WWOX: variants seen among roughly 807,000 people sequenced by gnomAD.
WWOX encodes WW domain-containing oxidoreductase.
Under a neutral mutation model 46.2 loss-of-function variants are expected in WWOX, and 69 were observed. That is an observed-to-expected ratio of 1.49 (90% CI 1.23 to 1.82). The LOEUF is 1.82. Ranked by LOEUF, WWOX falls within the 40% of genes most tolerant of loss-of-function variation. The pLI is 0.00. For synonymous variants in WWOX, 359 were observed against 202.6 expected (o/e 1.77, Z -6.56); for missense variants, 919 against 542.6 (o/e 1.69, Z -6.89).
chr16:79,172,256 A>G (rs2050714039), intron 8 of WWOX, among the ~76,000 whole-genome samples: 1 of 152,188 alleles, frequency 6.6e-6, no homozygotes, highest in African/African-American at 2.4e-5. Flanking sequence ...GGAACTGTGT[A>G]TATCCCACAG....
At chr16:78,953,300 T>G (rs72808737) in intron 8 of WWOX, among the ~76,000 whole-genome samples, 1 of 146,292 alleles carries the variant, frequency 6.8e-6, no homozygotes, top group African/African-American at 2.5e-5. Context: ...ACAATTATAG[T>G]GGGGGGTGGG....
chr16:78,884,977 C>T (rs2044423116), intron 8 of WWOX, among the ~76,000 whole-genome samples: 1 of 152,174 alleles, frequency 6.6e-6, no homozygotes, highest in African/African-American at 2.4e-5. Context: ...TCTGAGACCC[C>T]ACCAAGCCAT....
At chr16:78,473,031 A>G (rs901075974) in intron 8 of WWOX, among the ~76,000 whole-genome samples, 1 of 152,180 alleles carries the variant, frequency 6.6e-6, no homozygotes, top group African/African-American at 2.4e-5. Context: ...AAAAATATGA[A>G]AGGAAAAATA....
intron 8 of WWOX, among the ~76,000 whole-genome samples, chr16:78,924,044 C>A (rs147381785): frequency 1.8e-3 from 267 of 151,952 alleles, no homozygotes; most frequent in African/African-American, 6.0e-3. Flanking sequence ...TTTTGATATC[C>A]TGATTTCGTG....
rs537273647 is a variant in WWOX, at chr16:78,164,279, T to G, written c.506T>G (p.Leu169Ter). The G allele has an allele frequency of 6.2e-7, 1 of 1,614,040 alleles. No homozygotes were observed. Among genetic ancestry groups the G allele is most frequent in the South Asian group, 1.1e-5 (1 of 91,032 alleles). The change falls in exon 5 of 9, where the codon TTA becomes TGA. Residue 169 changes from leucine (L) to a stop codon, truncating the protein, a stop_gained. Transcript: ENST00000566780. LOFTEE classifies it high-confidence loss of function. ...ARASEAVSRI[L>*]EEWHKAKVEA... is the part of the protein sequence containing the mutation. Reference sequence around the variant, plus strand: ...GCGAGTGAAGCAGTGTCACGCATTTTAGAAGAATGGGTAAGTGCTTGACTG... The same window carrying G: ...GCGAGTGAAGCAGTGTCACGCATTTGAGAAGAATGGGTAAGTGCTTGACTG...
chr16:79,051,813 C>G (rs2048172562), intron 8 of WWOX, among the ~76,000 whole-genome samples: 1 of 152,218 alleles, frequency 6.6e-6, no homozygotes, highest in Non-Finnish European at 1.5e-5. Flanking sequence ...TCTTAAATAT[C>G]TGCTAGCTGT....
At chr16:78,279,035 G>A (rs892888797) in intron 5 of WWOX, among the ~76,000 whole-genome samples, 1 of 152,136 alleles carries the variant, frequency 6.6e-6, no homozygotes, top group African/African-American at 2.4e-5. Context: ...GTTTCTTGGT[G>A]ACAACTCCTC....
chr16:78,651,352 G>A (rs577568647), intron 8 of WWOX, among the ~76,000 whole-genome samples: 1 of 152,212 alleles, frequency 6.6e-6, no homozygotes, highest in Non-Finnish European at 1.5e-5. Flanking sequence ...TATAACGATT[G>A]AATTAGACTC....
intron 8 of WWOX, among the ~76,000 whole-genome samples, chr16:78,625,382 C>T (rs949835859): frequency 2.0e-5 from 3 of 152,156 alleles, no homozygotes; most frequent in Non-Finnish European, 4.4e-5. Context: ...AATTCACCCC[C>T]ACACAATCCA....
intron 5 of WWOX, among the ~76,000 whole-genome samples, chr16:78,257,191 T>C (rs1277674096): frequency 6.6e-6 from 1 of 152,122 alleles, no homozygotes; most frequent in Non-Finnish European, 1.5e-5. Context: ...TGTCATCTGT[T>C]GTTTTTCTAA....
chr16:78,480,358 A>T (rs2060514029), intron 8 of WWOX, among the ~76,000 whole-genome samples: 1 of 152,274 alleles, frequency 6.6e-6, no homozygotes, highest in Non-Finnish European at 1.5e-5. Flanking sequence ...AGGAAACATT[A>T]TAACTTCTGT....
intron 8 of WWOX, among the ~76,000 whole-genome samples, chr16:78,602,201 C>T (rs918627297): frequency 1.3e-5 from 2 of 152,054 alleles, no homozygotes; most frequent in African/African-American, 4.8e-5. Context: ...TTTTCCCATT[C>T]GTATTTTATT....
intron 8 of WWOX, among the ~76,000 whole-genome samples, chr16:78,883,778 A>C (rs2044393639): frequency 6.6e-6 from 1 of 152,062 alleles, no homozygotes; most frequent in Non-Finnish European, 1.5e-5. Flanking sequence ...GTCATGTGAG[A>C]TGTTGACATT....
At chr16:78,880,386 C>T (rs913723833) in intron 8 of WWOX, among the ~76,000 whole-genome samples, 1 of 152,184 alleles carries the variant, frequency 6.6e-6, no homozygotes, top group Non-Finnish European at 1.5e-5. Context: ...TGTAATGAAG[C>T]CCTCCGGGAA....
chr16:79,167,827 C>T lies in WWOX; in HGVS notation c.1057-43781C>T, dbSNP rs544343283. On this transcript the variant is annotated intron_variant, in intron 8 of 8. Transcript: ENST00000566780. ...TTTAGTGAACTCAGTGTTATGCCACCGTCACCTCTTTTTAGTTTCAAAACT... is the reference window on the plus strand; with the variant it reads ...TTTAGTGAACTCAGTGTTATGCCACTGTCACCTCTTTTTAGTTTCAAAACT... 8.5e-5 allele frequency among the ~76,000 whole-genome samples: 13 copies of T among 152,256 alleles called. No individual in the cohort carries two copies. In the South Asian group the frequency reaches 1.7e-3, roughly 19 times the overall value.
intron 8 of WWOX, among the ~76,000 whole-genome samples, chr16:78,766,452 G>A (rs758064498): frequency 2.0e-5 from 3 of 152,120 alleles, no homozygotes; most frequent in African/African-American, 4.8e-5. Context: ...GCCGGCTGTC[G>A]TGTCTCCTCC....
chr16:79,025,684 T>C (rs891118931), intron 8 of WWOX, among the ~76,000 whole-genome samples: 16 of 152,166 alleles, frequency 1.1e-4, no homozygotes, highest in African/African-American at 3.9e-4. Flanking sequence ...TGTTTTAAGC[T>C]ACCACACAGA....
intron 8 of WWOX, among the ~76,000 whole-genome samples, chr16:78,577,112 GTAAAT>G (rs2044901046): frequency 6.6e-6 from 1 of 152,138 alleles, no homozygotes; most frequent in African/African-American, 2.4e-5. Flanking sequence ...TTCTCTTGGT[GTAAAT>G]TAGTCACCAG....
At chr16:78,507,623 C>T (rs754657767) in intron 8 of WWOX, among the ~76,000 whole-genome samples, 31 of 152,120 alleles carry the variant, frequency 2.0e-4, no homozygotes, top group African/African-American at 6.0e-4. Flanking sequence ...CCCCCATACT[C>T]GACATTCTTT....
Sources: gnomAD v4.1 joint callset for allele counts (sites outside exome capture counted in the v4.1 genomes callset) on GRCh38, gnomAD v4.1.1 for gene constraint, MANE v1.5 for transcripts, NCBI Gene and HGNC (gene_info 2026-07-23, HGNC 2026-07-21) for gene names.